PLD5: variants seen among roughly 807,000 people sequenced by gnomAD.
The protein encoded by PLD5 is phospholipase D family member 5.
A neutral mutation model predicts 61.1 loss-of-function variants in PLD5; 36 were observed. The observed-to-expected ratio is 0.59, with a 90% CI of 0.45 to 0.78. The LOEUF (loss-of-function observed/expected upper bound fraction) is 0.78. Ranked by LOEUF, PLD5 falls within the 30% of genes least tolerant of loss-of-function variation. PLD5 has a pLI of 0.00. For missense variants in PLD5, 515 were observed against 644.4 expected, an observed-to-expected ratio of 0.80 and a Z score of 2.17; for synonymous variants, 243 against 242.8, an observed-to-expected ratio of 1.00 and a Z score of -0.01.
chr1:242,111,583 A>T (rs182493762), intron 7 of PLD5, among the ~76,000 whole-genome samples: 2 of 152,246 alleles, frequency 1.3e-5, no homozygotes, highest in East Asian at 3.9e-4. Context: ...TGAAAGATTA[A>T]TTCCATTAAC....
chr1:242,268,013 T>C (rs1332789531), intron 3 of PLD5, among the ~76,000 whole-genome samples: 2 of 152,138 alleles, frequency 1.3e-5, no homozygotes, highest in African/African-American at 2.4e-5. Flanking sequence ...AGTGCCTTTG[T>C]AAATTTTAAA....
chr1:242,494,452 G>T (rs1413810957), intron 1 of PLD5, among the ~76,000 whole-genome samples: 1 of 152,008 alleles, frequency 6.6e-6, no homozygotes, highest in Admixed American at 6.6e-5. Context: ...CATCACTTCT[G>T]CCATCCCATC....
At chr1:242,457,408 C>T (rs759818259) in intron 1 of PLD5, among the ~76,000 whole-genome samples, 22 of 152,170 alleles carry the variant, frequency 1.4e-4, no homozygotes, top group Non-Finnish European at 2.5e-4. Flanking sequence ...TTACTGCTGC[C>T]GAAAAACATT....
chr1:242,166,587 G>T (rs1666321978), intron 5 of PLD5, among the ~76,000 whole-genome samples: 1 of 152,214 alleles, frequency 6.6e-6, no homozygotes, highest in South Asian at 2.1e-4. Flanking sequence ...ATTATTAAAA[G>T]TGAATATGTC....
At chr1:242,177,093 A>G (rs1445984600) in intron 5 of PLD5, among the ~76,000 whole-genome samples, 1 of 152,248 alleles carries the variant, frequency 6.6e-6, no homozygotes, top group Non-Finnish European at 1.5e-5. Flanking sequence ...CCAAAGGATT[A>G]TAAATCATTC....
Position 242,300,750 on chromosome 1 carries a change from CGGG to C in PLD5, c.327-12223_327-12221del, listed in dbSNP as rs1558443570. 3.8e-4 allele frequency among the ~76,000 whole-genome samples: 9 copies of C among 23,668 alleles called. No homozygotes were observed. In the East Asian group the frequency reaches 8.2e-3, roughly 22 times the overall value. 15.5% of individuals were successfully genotyped at this position (23,668 alleles called of 152,430 possible). A position where few individuals can be genotyped will look rare whatever the true frequency, so the allele number is the denominator to read the frequency against. Reference sequence around the variant, plus strand: ...GATGTTTGTCAGAAATGGGTTGCAGCGGGACAAGGGTTGCAGCGGGAGAACAAT... The same window carrying C: ...GATGTTTGTCAGAAATGGGTTGCAGCACAAGGGTTGCAGCGGGAGAACAAT... On this transcript the variant is annotated intron_variant, in intron 2 of 9. Coordinates refer to ENST00000536534, the MANE Select transcript of PLD5 (RefSeq NM_001372062.1).
chr1:242,224,264 C>G (rs867403119), intron 4 of PLD5, among the ~76,000 whole-genome samples: 26 of 152,170 alleles, frequency 1.7e-4, no homozygotes, highest in African/African-American at 5.5e-4. Flanking sequence ...ATAAATAAAT[C>G]AAATTCTTTC....
At chr1:242,116,405 T>C (rs998294382) in intron 6 of PLD5, among the ~76,000 whole-genome samples, 3 of 152,146 alleles carry the variant, frequency 2.0e-5, no homozygotes, top group African/African-American at 7.2e-5. Flanking sequence ...AGTCGGTTTT[T>C]TAAAAAAGAA....
chr1:242,310,127 A>G (rs1326354523), intron 2 of PLD5, among the ~76,000 whole-genome samples: 3 of 152,130 alleles, frequency 2.0e-5, no homozygotes, highest in Non-Finnish European at 4.4e-5. Flanking sequence ...CAGCTGGGGC[A>G]TAAAGTCAGC....
At chr1:242,476,836 C>G (rs573183687) in intron 1 of PLD5, among the ~76,000 whole-genome samples, 1 of 152,188 alleles carries the variant, frequency 6.6e-6, no homozygotes, top group Non-Finnish European at 1.5e-5. Context: ...CACTTGTCCA[C>G]TACTGCAGTT....
chr1:242,294,787 CT>C (rs1353833156), intron 2 of PLD5, among the ~76,000 whole-genome samples: 1 of 152,158 alleles, frequency 6.6e-6, no homozygotes, highest in Non-Finnish European at 1.5e-5. Flanking sequence ...GTAACTTAGT[CT>C]GAAGACTTAT....
At chr1:242,433,106 AGCCTGT>A (rs1665805333) in intron 1 of PLD5, among the ~76,000 whole-genome samples, 2 of 152,214 alleles carry the variant, frequency 1.3e-5, no homozygotes, top group African/African-American at 4.8e-5. Context: ...ACTGTCTGAG[AGCCTGT>A]ATTCTGCAGG....
At chr1:242,188,525 G>A (rs1250366149) in intron 5 of PLD5, 1 of 152,248 alleles carries the variant, frequency 6.6e-6, no homozygotes, top group African/African-American at 2.4e-5. Context: ...AGAGAAGACT[G>A]TGACACAGAA....
At chr1:242,409,993 T>C (rs562122778) in intron 1 of PLD5, among the ~76,000 whole-genome samples, 7 of 152,278 alleles carry the variant, frequency 4.6e-5, no homozygotes, top group African/African-American at 1.7e-4. Flanking sequence ...CTGGAGCCGC[T>C]TTAAAAGAAA....
chr1:242,282,466 T>C (rs1216901915), intron 3 of PLD5, among the ~76,000 whole-genome samples: 1 of 152,148 alleles, frequency 6.6e-6, no homozygotes, highest in Non-Finnish European at 1.5e-5. Context: ...CTCTTATGCT[T>C]GCTATTTCAT....
At chr1:242,247,229 G>A (rs1014025057) in intron 4 of PLD5, among the ~76,000 whole-genome samples, 21 of 152,170 alleles carry the variant, frequency 1.4e-4, no homozygotes, top group African/African-American at 2.9e-4. Context: ...TGATCCGCCC[G>A]CCTCGGCCTC....
At chr1:242,452,544 G>A (rs899333974) in intron 1 of PLD5, among the ~76,000 whole-genome samples, 10 of 152,130 alleles carry the variant, frequency 6.6e-5, no homozygotes, top group African/African-American at 2.2e-4. Context: ...GGCTGGGCAC[G>A]ATGACTCACG....
At chr1:242,096,762 A>G (rs1354172831) in intron 9 of PLD5, among the ~76,000 whole-genome samples, 1 of 142,136 alleles carries the variant, frequency 7.0e-6, no homozygotes, top group East Asian at 2.1e-4. Flanking sequence ...TTTTTATTAT[A>G]TTTTAAGTTT....
chr1:242,290,666 G>A (rs561682178), intron 2 of PLD5, among the ~76,000 whole-genome samples: 1 of 152,158 alleles, frequency 6.6e-6, no homozygotes, highest in African/African-American at 2.4e-5. Context: ...AAAAAAAGAA[G>A]CTTGAATTTG....
Sources: allele counts gnomAD v4.1 joint callset (sites outside exome capture counted in the v4.1 genomes callset), GRCh38; gene constraint gnomAD v4.1.1; transcripts MANE v1.5; gene names NCBI Gene and HGNC (gene_info 2026-07-23, HGNC 2026-07-21).